KCNN2: variants seen among roughly 807,000 people sequenced by gnomAD.
KCNN2 encodes small conductance calcium-activated potassium channel protein 2.
Under a neutral mutation model 55.5 loss-of-function variants are expected in KCNN2, and 24 were observed. That is an observed-to-expected ratio of 0.43 (90% CI 0.31 to 0.61). KCNN2 has a LOEUF of 0.61. KCNN2 is among the 20% of genes least tolerant of loss of function. KCNN2 has a pLI of 0.08. For missense variants in KCNN2, 754 were observed against 853.6 expected (o/e 0.88, Z 1.45); for synonymous variants, 431 against 336.1 (o/e 1.28, Z -3.09).
chr5:114,189,327 A>T (rs1340770673), intron 1 of KCNN2, among the ~76,000 whole-genome samples: 2 of 152,156 alleles, frequency 1.3e-5, no homozygotes, highest in Non-Finnish European at 2.9e-5. Context: ...AGTAAGTTCC[A>T]GTTTGAGCAC....
At chr5:114,170,039 T>C (rs980432894) in intron 1 of KCNN2, among the ~76,000 whole-genome samples, 2 of 152,058 alleles carry the variant, frequency 1.3e-5, no homozygotes, top group African/African-American at 4.8e-5. Context: ...CCCTACTTAG[T>C]ATGTTATATT....
intron 5 of KCNN2, among the ~76,000 whole-genome samples, chr5:114,479,015 A>G (rs111317827): frequency 0.022 from 3,414 of 152,310 alleles, 54 homozygotes; most frequent in Non-Finnish European, 0.034. Flanking sequence ...ACCAGCTAGC[A>G]TCATGATGAC....
At chr5:114,114,380 A>T (rs1417667666) in intron 1 of KCNN2, among the ~76,000 whole-genome samples, 1 of 152,010 alleles carries the variant, frequency 6.6e-6, no homozygotes, top group Non-Finnish European at 1.5e-5. Context: ...GTCATGCACC[A>T]CTATGCCCAG....
At chr5:114,428,922 T>C (rs571445885) in intron 3 of KCNN2, among the ~76,000 whole-genome samples, 1 of 152,252 alleles carries the variant, frequency 6.6e-6, no homozygotes, top group South Asian at 2.1e-4. Flanking sequence ...TTTTTAATGC[T>C]AAATAATCCA....
intron 7 of KCNN2, among the ~76,000 whole-genome samples, chr5:114,494,356 C>T (rs756162103): frequency 5.3e-5 from 8 of 149,754 alleles, no homozygotes; most frequent in Non-Finnish European, 8.9e-5. Context: ...TTAAATAATG[C>T]ATCTAAATTA....
intron 1 of KCNN2, among the ~76,000 whole-genome samples, chr5:114,172,755 C>A (rs1753064258): frequency 6.6e-6 from 1 of 151,422 alleles, no homozygotes; most frequent in Non-Finnish European, 1.5e-5. Context: ...AATGTCTATT[C>A]AGATCTTTTG....
At chr5:114,245,065 T>A (rs1754724832) in intron 2 of KCNN2, among the ~76,000 whole-genome samples, 1 of 152,230 alleles carries the variant, frequency 6.6e-6, no homozygotes, top group Non-Finnish European at 1.5e-5. Flanking sequence ...TCAATTAAAG[T>A]GTTTAGCCAT....
intron 1 of KCNN2, among the ~76,000 whole-genome samples, chr5:114,106,659 TG>T (rs71612023): frequency 6.7e-6 from 1 of 148,620 alleles, no homozygotes; most frequent in Non-Finnish European, 1.5e-5. Context: ...TTTTTTTTTT[TG>T]GTCATTTGGA....
intron 2 of KCNN2, among the ~76,000 whole-genome samples, chr5:114,281,879 G>T (rs1258113602): frequency 6.6e-6 from 1 of 151,586 alleles, no homozygotes; most frequent in African/African-American, 2.4e-5. Context: ...TTTTTCTAGG[G>T]TCTATTAATA....
chr5:114,353,277 A>G (rs2150041040), intron 2 of KCNN2, among the ~76,000 whole-genome samples: 1 of 151,846 alleles, frequency 6.6e-6, no homozygotes, highest in Non-Finnish European at 1.5e-5. Flanking sequence ...TTGTTATACT[A>G]ACCTATTTAT....
chr5:114,294,559 A>T, intron 2 of KCNN2, among the ~76,000 whole-genome samples: 1 of 151,600 alleles, frequency 6.6e-6, no homozygotes, highest in African/African-American at 2.4e-5. Flanking sequence ...TCTGAGAGAC[A>T]GTTTGTTATA....
chr5:114,255,471 T>C (rs1413181045), intron 2 of KCNN2, among the ~76,000 whole-genome samples: 1 of 152,128 alleles, frequency 6.6e-6, no homozygotes, highest in Non-Finnish European at 1.5e-5. Context: ...CTAGGCCTTA[T>C]CAAAGGATGT....
At chr5:114,162,221 G>T (rs529190705) in intron 1 of KCNN2, among the ~76,000 whole-genome samples, 1 of 152,210 alleles carries the variant, frequency 6.6e-6, no homozygotes, top group African/African-American at 2.4e-5. Flanking sequence ...CCTTCTGACA[G>T]TCAGGACCCT....
intron 2 of KCNN2, among the ~76,000 whole-genome samples, chr5:114,249,108 A>G (rs778375255): frequency 3.3e-5 from 5 of 152,182 alleles, no homozygotes; most frequent in Non-Finnish European, 7.4e-5. Context: ...ATAAAACATG[A>G]GAAGAGAATA....
chr5:114,180,543 G>A (rs1185711656), intron 1 of KCNN2, among the ~76,000 whole-genome samples: 1 of 151,908 alleles, frequency 6.6e-6, no homozygotes, highest in Non-Finnish European at 1.5e-5. Context: ...TTAAATAAAA[G>A]CCATTCTATG....
intron 1 of KCNN2, among the ~76,000 whole-genome samples, chr5:114,108,985 C>T (rs1012241233): frequency 4.6e-5 from 7 of 151,816 alleles, no homozygotes; most frequent in African/African-American, 1.7e-4. Flanking sequence ...TTTCCAGTAT[C>T]AGTTTATGAG....
chr5:114,229,235 G>T (rs969376460), intron 2 of KCNN2, among the ~76,000 whole-genome samples: 5 of 151,598 alleles, frequency 3.3e-5, no homozygotes, highest in Admixed American at 2.6e-4. Flanking sequence ...TGGAAAATGT[G>T]TCTATCTCCT....
chr5:114,487,229 T>G lies in KCNN2; in HGVS notation c.2018+52T>G. ...TGTTGTTGTGTCCTTGGCTTTCAAT[T>G]TTTGCACTTGTTTATTCTTGTTTCA... On this transcript the variant is annotated intron_variant, in intron 6 of 7. Transcript: ENST00000673685. 3 of 1,541,898 alleles carry G rather than the reference T, an allele frequency of 1.9e-6. No individual in the cohort carries two copies. In the South Asian group the frequency reaches 3.5e-5, roughly 18 times the overall value.
chr5:114,233,376 T>C (rs1211392871), intron 2 of KCNN2, among the ~76,000 whole-genome samples: 3 of 152,208 alleles, frequency 2.0e-5, no homozygotes, highest in African/African-American at 7.2e-5. Flanking sequence ...TCTTCAGGTA[T>C]ATTAACATAC....
Sources: allele counts gnomAD v4.1 joint callset (sites outside exome capture counted in the v4.1 genomes callset), GRCh38; gene constraint gnomAD v4.1.1; transcripts MANE v1.5; gene names NCBI Gene and HGNC (gene_info 2026-07-23, HGNC 2026-07-21).